Variants in UNC79 observed in about 807,000 individuals in gnomAD.
UNC79 encodes the protein protein unc-79 homolog.
Under a neutral mutation model 283.1 loss-of-function variants are expected in UNC79, and 37 were observed. The observed-to-expected ratio is 0.13, with a 90% CI of 0.10 to 0.17. The LOEUF (loss-of-function observed/expected upper bound fraction) is 0.17, where lower values mean the gene tolerates loss of function less well. UNC79 is among the 10% of genes least tolerant of loss of function. The probability of loss-of-function intolerance (pLI) is 1.00; values close to 1 mark genes in which losing one functional copy is unlikely to be tolerated. For synonymous variants in UNC79, 1,107 were observed against 1,200.2 expected (o/e 0.92, Z 1.61); for missense variants, 2,272 against 3,211.1 (o/e 0.71, Z 7.07).
chr14:93,368,447 CA>C (rs1219815969), intron 1 of UNC79, among the ~76,000 whole-genome samples: 1 of 151,922 alleles, frequency 6.6e-6, no homozygotes, highest in East Asian at 1.9e-4. Context: ...AATAAAATGA[CA>C]AAAATGAAAA....
At chr14:93,397,416 A>T (rs2055020686) in intron 1 of UNC79, among the ~76,000 whole-genome samples, 1 of 152,242 alleles carries the variant, frequency 6.6e-6, no homozygotes, top group East Asian at 1.9e-4. Context: ...TCCTTTAGGA[A>T]TAGGGCTTTA....
At chr14:93,656,375 T>G (rs1165831566) in intron 38 of UNC79, among the ~76,000 whole-genome samples, 1 of 151,350 alleles carries the variant, frequency 6.6e-6, no homozygotes, top group Non-Finnish European at 1.5e-5. Context: ...GAGGCAGAGG[T>G]AGGGGGATCG....
intron 8 of UNC79, among the ~76,000 whole-genome samples, chr14:93,525,112 C>G (rs1210044995): frequency 1.3e-5 from 2 of 152,142 alleles, no homozygotes; most frequent in Non-Finnish European, 2.9e-5. Context: ...TTTTTAATCT[C>G]TGCTTTTGTT....
intron 7 of UNC79, among the ~76,000 whole-genome samples, chr14:93,506,922 C>T (rs2059574522): frequency 6.6e-6 from 1 of 152,216 alleles, no homozygotes; most frequent in South Asian, 2.1e-4. Context: ...ATCCCCTTCT[C>T]TCATTCTGAA....
At chr14:93,556,100 CAA>C (rs1338773278) in intron 14 of UNC79, among the ~76,000 whole-genome samples, 2 of 152,066 alleles carry the variant, frequency 1.3e-5, no homozygotes, top group Non-Finnish European at 2.9e-5. Context: ...TGGGTCCCCG[CAA>C]AGAGGCAAGT....
chr14:93,667,596 A>T (rs1306328852), intron 40 of UNC79, among the ~76,000 whole-genome samples: 1 of 152,202 alleles, frequency 6.6e-6, no homozygotes, highest in Non-Finnish European at 1.5e-5. Context: ...TTAGAGGACA[A>T]CTTCTACTAA....
intron 1 of UNC79, among the ~76,000 whole-genome samples, chr14:93,383,957 G>A (rs527420258): frequency 6.6e-6 from 1 of 152,208 alleles, no homozygotes; most frequent in South Asian, 2.1e-4. Context: ...GCTCCTCCTT[G>A]CCTTTTACCT....
chr14:93,647,384 G>GA (rs1010309230), intron 35 of UNC79, among the ~76,000 whole-genome samples: 36 of 152,320 alleles, frequency 2.4e-4, no homozygotes, highest in African/African-American at 8.4e-4. Flanking sequence ...GCAAGTCTGG[G>GA]AGATAGAGAG....
chr14:93,582,463 A>C (rs1431462836), intron 20 of UNC79, 119 bp downstream of exon 20: 18 of 1,385,646 alleles, frequency 1.3e-5, no homozygotes, highest in Non-Finnish European at 1.6e-5. Flanking sequence ...CTTAGTATAG[A>C]CTCGTGCAGA....
chr14:93,609,614 G>A (rs1356116360), intron 26 of UNC79, among the ~76,000 whole-genome samples: 1 of 152,160 alleles, frequency 6.6e-6, no homozygotes, highest in Non-Finnish European at 1.5e-5. Flanking sequence ...GAATTTCACA[G>A]ACTAGAATTC....
chr14:93,617,053 AT>A lies in UNC79; in HGVS notation c.4042-64del, dbSNP rs2066785471. ...AATTTTAACCACTGGGATGGCTCAA[AT>A]TTTTCCTTTTGACCTCTGAGTGTTC... On this transcript the variant is annotated intron_variant, in intron 27 of 48. Transcript: ENST00000555664. This position sits in a 1 kb window ranked among gnomAD's most constrained non-coding sequence, Gnocchi z 4.5. 2.1e-6 allele frequency: 3 copies of A among 1,448,280 alleles called. No individual in the cohort carries two copies. The highest frequency in any genetic ancestry group is 2.8e-6 in the Non-Finnish European group (3 of 1,077,870). The allele number at this position is 1,448,280 out of a possible 1,614,324, so 89.7% of individuals were successfully genotyped here. A position where few individuals can be genotyped will look rare whatever the true frequency, so the allele number is the denominator to read the frequency against.
chr14:93,421,847 T>A (rs1328729277), intron 1 of UNC79, among the ~76,000 whole-genome samples: 2 of 150,902 alleles, frequency 1.3e-5, no homozygotes, highest in East Asian at 3.9e-4. Flanking sequence ...GCAATGTTAG[T>A]TCAACATACA....
At chr14:93,385,436 G>A (rs2054750839) in intron 1 of UNC79, among the ~76,000 whole-genome samples, 1 of 151,920 alleles carries the variant, frequency 6.6e-6, no homozygotes, top group East Asian at 1.9e-4. Flanking sequence ...ATTGTAAATA[G>A]GATTACTTTC....
intron 47 of UNC79, among the ~76,000 whole-genome samples, chr14:93,696,400 C>T (rs1339312526): frequency 6.6e-6 from 1 of 152,108 alleles, no homozygotes; most frequent in Non-Finnish European, 1.5e-5. Context: ...AACCATTTTC[C>T]AAAGCTGTTG....
chr14:93,397,432 A>G (rs904244150), intron 1 of UNC79, among the ~76,000 whole-genome samples: 2 of 152,146 alleles, frequency 1.3e-5, no homozygotes, highest in African/African-American at 2.4e-5. Context: ...CTTTAAAGAA[A>G]CCCCAACTTG....
At chr14:93,568,324 A>G (rs1186715413) in intron 14 of UNC79, among the ~76,000 whole-genome samples, 1 of 152,180 alleles carries the variant, frequency 6.6e-6, no homozygotes, top group Admixed American at 6.5e-5. Context: ...ACATAGACAT[A>G]CACAAACATA....
chr14:93,634,159 G>A (rs2068293906), intron 31 of UNC79, among the ~76,000 whole-genome samples: 1 of 152,172 alleles, frequency 6.6e-6, no homozygotes, highest in Admixed American at 6.5e-5. Flanking sequence ...CACAAGCTCT[G>A]TTAAAGAAAG....
chr14:93,438,953 ATTTTC>A lies in UNC79; in HGVS notation c.22+7906_22+7910del, dbSNP rs539786165. Among the ~76,000 whole-genome samples the A allele has an allele frequency of 2.7e-3, 408 of 151,598 alleles. 1 individual carries two copies. The highest frequency in any genetic ancestry group is 9.3e-3 in the African/African-American group (386 of 41,382). ...ATTTCTTATAGAGCTCTTGCTTAGT[ATTTTC>A]TTTCGTCATTTTTTGCCATCATAAT... is the stretch of plus-strand genomic sequence containing the variant. On this transcript the variant is annotated intron_variant, in intron 1 of 48. Coordinates refer to ENST00000555664, the Ensembl canonical transcript of UNC79.
chr14:93,581,370 A>G (rs2141754390), intron 19 of UNC79, among the ~76,000 whole-genome samples: 1 of 146,730 alleles, frequency 6.8e-6, no homozygotes, highest in East Asian at 2.1e-4. Context: ...ATGAGGTCTC[A>G]CTATGTTGCC....
Sources: allele counts gnomAD v4.1 joint callset (sites outside exome capture counted in the v4.1 genomes callset), GRCh38; gene constraint gnomAD v4.1.1; non-coding constraint Gnocchi (gnomAD v3.1); transcripts MANE v1.5; gene names NCBI Gene and HGNC (gene_info 2026-07-23, HGNC 2026-07-21).